The following FOXN3 variants were observed in gnomAD, a reference collection of about 807,000 sequenced individuals.
FOXN3 encodes the protein forkhead box N3.
FOXN3 carries 7 observed loss-of-function variants against 38.4 expected under a neutral mutation model. That is an observed-to-expected ratio of 0.18 (90% confidence interval 0.10 to 0.34). FOXN3 has a LOEUF of 0.34. Among genes scored for constraint, FOXN3 ranks in the 10% least tolerant of loss-of-function variants. The probability of loss-of-function intolerance (pLI) is 1.00; values close to 1 mark genes in which losing one functional copy is unlikely to be tolerated. For missense variants in FOXN3, 456 were observed against 613.4 expected (o/e 0.74, Z 2.71); for synonymous variants, 230 against 242.2 (o/e 0.95, Z 0.47).
intron 4 of FOXN3, among the ~76,000 whole-genome samples, chr14:89,268,476 T>A (rs1886049598): frequency 1.3e-5 from 2 of 152,216 alleles, no homozygotes; most frequent in Admixed American, 1.3e-4. Flanking sequence ...GTATTCATCA[T>A]GACTCTCGAC....
Position 89,446,175 on chromosome 14 carries a change from GTCTTTTTTTTTTTTTTTTT to G in FOXN3, c.-14-33704_-14-33686del, listed in dbSNP as rs561496788. Among the ~76,000 whole-genome samples, 747 of 110,454 alleles carry G rather than the reference GTCTTTTTTTTTTTTTTTTT, an allele frequency of 6.8e-3. 30 individuals are homozygous for G. The highest frequency in any genetic ancestry group is 0.023 in the African/African-American group (710 of 30,376). 72.5% of individuals were successfully genotyped at this position (110,454 alleles called of 152,430 possible). ...CCTTCTTTTTCTCTCCTTCCTAAAA[GTCTTTTTTTTTTTTTTTTT>G]TCTTTTTTTTTTGAGACAGAGTCTC... On this transcript the variant is annotated intron_variant, in intron 1 of 6. Transcript: ENST00000345097.
intron 3 of FOXN3, among the ~76,000 whole-genome samples, chr14:89,312,040 T>C (rs1887565152): frequency 1.3e-5 from 2 of 152,034 alleles, no homozygotes; most frequent in South Asian, 2.1e-4. Flanking sequence ...ATGCCAGCAC[T>C]TGGGGAGGCC....
chr14:89,288,623 T>C (rs1886712655), intron 3 of FOXN3, among the ~76,000 whole-genome samples: 1 of 133,310 alleles, frequency 7.5e-6, no homozygotes. Flanking sequence ...AGAAGATATT[T>C]TAAAAATGGA....
At chr14:89,317,794 G>A (rs1049389720) in intron 3 of FOXN3, among the ~76,000 whole-genome samples, 20 of 151,916 alleles carry the variant, frequency 1.3e-4, no homozygotes, top group African/African-American at 4.3e-4. Context: ...CAGGAGGTGA[G>A]CGGCAGGCGA....
chr14:89,515,823 GC>G (rs1894189233), intron 1 of FOXN3, among the ~76,000 whole-genome samples: 1 of 152,178 alleles, frequency 6.6e-6, no homozygotes, highest in African/African-American at 2.4e-5. Context: ...TTTTCAGATT[GC>G]CACATGATGA....
At chr14:89,253,938 T>C (rs1235291451) in intron 4 of FOXN3, among the ~76,000 whole-genome samples, 2 of 152,238 alleles carry the variant, frequency 1.3e-5, no homozygotes, top group Admixed American at 6.5e-5. Flanking sequence ...CTGGGATCTA[T>C]GGCCATGGCC....
chr14:89,366,846 A>G (rs1890174792), intron 2 of FOXN3, among the ~76,000 whole-genome samples: 1 of 152,212 alleles, frequency 6.6e-6, no homozygotes, highest in South Asian at 2.1e-4. Context: ...TGGTTGGATT[A>G]CAACTGGCCC....
rs1157998619 is a variant in FOXN3 at position 89,546,329 on chromosome 14, C to CTTTTTTTTTTTTTTTTTTTT, written c.-15+72698_-15+72699insAAAAAAAAAAAAAAAAAAAA. ...TAGCTTCTTTTCTTTTTTCCTTTTT[C>CTTTTTTTTTTTTTTTTTTTT]TTTTTTTTTTTTTTTTTTTGAGATG... On this transcript the variant is annotated intron_variant, in intron 1 of 6. Transcript: ENST00000345097. Among the ~76,000 whole-genome samples the CTTTTTTTTTTTTTTTTTTTT allele has an allele frequency of 8.9e-5, 7 of 78,314 alleles. 1 individual carries two copies. The highest frequency in any genetic ancestry group is 4.9e-4 in the South Asian group (1 of 2,056). The allele number at this position is 78,314 out of a possible 152,430, so 51.4% of individuals were successfully genotyped here.
chr14:89,336,246 CCATT>C (rs1364354892), intron 3 of FOXN3, among the ~76,000 whole-genome samples: 2 of 151,712 alleles, frequency 1.3e-5, no homozygotes, highest in African/African-American at 4.8e-5. Context: ...ATCCATCCAT[CCATT>C]CATCCATCCA....
At chr14:89,291,170 C>T in intron 3 of FOXN3, 2 of 480,314 alleles carry the variant, frequency 4.2e-6, no homozygotes, top group Non-Finnish European at 4.2e-6. Flanking sequence ...AGTTGGGGGG[C>T]ACAGTTATGC....
At position 89,162,325 on chromosome 14, in the gene FOXN3, A is replaced by C; in HGVS notation, c.*89T>G. The C allele has an allele frequency of 8.8e-7, 1 of 1,138,252 alleles. No homozygotes were observed. The highest frequency in any genetic ancestry group is 1.2e-6 in the Non-Finnish European group (1 of 824,330). 70.5% of individuals were successfully genotyped at this position (1,138,252 alleles called of 1,614,324 possible). ...ACCAAAAACAAGAAAAAAGAAAAAA[A>C]ATTGCTGATATTGCCACAAATCATT... On this transcript the variant is annotated 3_prime_UTR_variant, in exon 6 of 6. Transcript: ENST00000557258. The surrounding 1 kb of genome is among the most constrained non-coding windows in gnomAD (Gnocchi z 7.2).
intron 2 of FOXN3, among the ~76,000 whole-genome samples, chr14:89,360,196 C>G (rs189318272): frequency 6.6e-6 from 1 of 152,154 alleles, no homozygotes; most frequent in East Asian, 1.9e-4. Flanking sequence ...AAAACTGCCT[C>G]CTCCTCTGGA....
intron 1 of FOXN3, among the ~76,000 whole-genome samples, chr14:89,472,720 C>CAAAA (rs1157948946): frequency 2.4e-4 from 11 of 46,494 alleles, no homozygotes; most frequent in Admixed American, 2.5e-4. Flanking sequence ...GACCCCATCT[C>CAAAA]AAAAAAAAAA....
At position 89,180,984 on chromosome 14, in the gene FOXN3, GCACAGACA is replaced by G. The variant is rs569089408; in HGVS notation, c.746-186_746-179del. Among the ~76,000 whole-genome samples, 441 of 146,866 alleles carry G rather than the reference GCACAGACA, an allele frequency of 3.0e-3. 1 individual carries two copies. The highest frequency in any genetic ancestry group is 0.011 in the African/African-American group (422 of 39,436). ...CACACACACACAGTCACACAGACAT[GCACAGACA>G]CACACTCACACAGTCATGCACGCGC... On this transcript the variant is annotated intron_variant, in intron 4 of 5. Transcript: ENST00000557258.
rs1887012942 is a variant in FOXN3, at chr14:89,157,740, T to C, written c.*4674A>G. 3 of 152,734 alleles carry C rather than the reference T, an allele frequency of 2.0e-5. No individual in the cohort carries two copies. In the South Asian group the frequency reaches 6.2e-4, roughly 32 times the overall value. 9.5% of individuals were successfully genotyped at this position (152,734 alleles called of 1,614,324 possible). On this transcript the variant is annotated 3_prime_UTR_variant, in exon 6 of 6. Coordinates refer to ENST00000557258, the MANE Select transcript of FOXN3 (RefSeq NM_005197.4). ...CAAAAGTGTTGATGTATATTATATA[T>C]AGTAGTATAAATAATAAAAAAGTAT...
intron 1 of FOXN3, among the ~76,000 whole-genome samples, chr14:89,486,035 A>G (rs1041519398): frequency 1.3e-5 from 2 of 152,180 alleles, no homozygotes; most frequent in Admixed American, 6.5e-5. Flanking sequence ...CCCTGGCCCT[A>G]TGCTCAGCAC....
chr14:89,256,748 A>G (rs1389756875), intron 4 of FOXN3, among the ~76,000 whole-genome samples: 2 of 152,066 alleles, frequency 1.3e-5, no homozygotes, highest in African/African-American at 4.8e-5. Flanking sequence ...GTTCTCTATC[A>G]TTCCACTGCA....
At chr14:89,587,628 G>A (rs1044141754) in intron 1 of FOXN3, among the ~76,000 whole-genome samples, 4 of 152,184 alleles carry the variant, frequency 2.6e-5, no homozygotes, top group Admixed American at 6.5e-5. Context: ...AGCACTTTGG[G>A]AGGCAGAGGC....
rs12432930 is a variant in FOXN3, at chr14:89,588,393, C to T, written c.-15+30635G>A. 3.2e-3 allele frequency among the ~76,000 whole-genome samples: 480 copies of T among 152,170 alleles called. 4 individuals carry two copies. Among genetic ancestry groups the T allele is most frequent in the African/African-American group, 0.011 (450 of 41,500 alleles). ...TCACCTAATATAGGACAAAAAAAGC[C>T]CAGGAATCGTGACTTGGGTAAAGTA... is the stretch of plus-strand genomic sequence containing the variant. On this transcript the variant is annotated intron_variant, in intron 1 of 6. Transcript: ENST00000345097.
Sources: gnomAD v4.1 joint callset for allele counts (sites outside exome capture counted in the v4.1 genomes callset) on GRCh38, gnomAD v4.1.1 for gene constraint, Gnocchi (gnomAD v3.1) non-coding constraint, MANE v1.5 for transcripts, NCBI Gene and HGNC (gene_info 2026-07-23, HGNC 2026-07-21) for gene names.